Variants in ABCA12 observed in about 807,000 individuals in gnomAD.
ABCA12 encodes ATP binding cassette subfamily A member 12.
A neutral mutation model predicts 293.5 loss-of-function variants in ABCA12; 156 were observed. The observed-to-expected ratio is 0.53, with a 90% CI of 0.47 to 0.61. ABCA12 has a LOEUF of 0.61. ABCA12 is among the 20% of genes least tolerant of loss of function. The pLI is 0.00. For synonymous variants in ABCA12, 1,063 were observed against 1,108.0 expected, an observed-to-expected ratio of 0.96 and a Z score of 0.81; for missense variants, 2,797 against 3,090.2, an observed-to-expected ratio of 0.91 and a Z score of 2.25.
intron 36 of ABCA12, among the ~76,000 whole-genome samples, chr2:214,971,150 A>G (rs1699377497): frequency 6.6e-6 from 1 of 152,076 alleles, no homozygotes; most frequent in Non-Finnish European, 1.5e-5. Flanking sequence ...CTTCATTGCA[A>G]TGAAGTTTAG....
chr2:215,089,887 T>C (rs1559187956), intron 2 of ABCA12, among the ~76,000 whole-genome samples: 1 of 152,212 alleles, frequency 6.6e-6, no homozygotes, highest in Non-Finnish European at 1.5e-5. Flanking sequence ...CAACTAATAG[T>C]TCAGTTCTAC....
intron 28 of ABCA12, among the ~76,000 whole-genome samples, chr2:214,984,818 A>C (rs1699752814): frequency 6.6e-6 from 1 of 151,980 alleles, no homozygotes; most frequent in Non-Finnish European, 1.5e-5. Flanking sequence ...CACCTGCCTA[A>C]CCCATCACTC....
chr2:215,089,171 T>C (rs1199429003), intron 2 of ABCA12, among the ~76,000 whole-genome samples: 1 of 152,090 alleles, frequency 6.6e-6, no homozygotes, highest in East Asian at 1.9e-4. Context: ...TTGAATTAGT[T>C]TTAGCTATGG....
Position 215,000,750 on chromosome 2 carries a change from G to A in ABCA12, c.3134C>T (p.Ala1045Val), listed in dbSNP as rs1482770206. The change falls in exon 22 of 53, where the codon GCA becomes GTA. Residue 1045 changes from alanine (A) to valine (V), a missense_variant. Transcript: ENST00000272895. ...LQTGRNSQEI[A>V]VQVQAIPYPC... ...ATAAGGAATTGCTTGAACCTGGACT[G>A]CTATTTCCTGGGAGTTCCTTCCAGT... 6.2e-7 allele frequency: 1 copy of A among 1,614,080 alleles called. No homozygotes were observed. The highest frequency in any genetic ancestry group is 2.2e-5 in the East Asian group (1 of 44,880).
At chr2:215,127,334 C>A in intron 1 of ABCA12, among the ~76,000 whole-genome samples, 1 of 152,196 alleles carries the variant, frequency 6.6e-6, no homozygotes, top group East Asian at 1.9e-4. Context: ...TAGTCTAATC[C>A]TTTGTTTCTT....
At chr2:215,039,955 T>G (rs1334882727) in intron 7 of ABCA12, among the ~76,000 whole-genome samples, 1 of 152,162 alleles carries the variant, frequency 6.6e-6, no homozygotes, top group Non-Finnish European at 1.5e-5. Flanking sequence ...GATGCTAAAT[T>G]TTAATTGAAA....
chr2:214,964,956 A>G (rs1186511861), intron 39 of ABCA12, among the ~76,000 whole-genome samples: 1 of 152,006 alleles, frequency 6.6e-6, no homozygotes, highest in Non-Finnish European at 1.5e-5. Context: ...TGGAAGCATC[A>G]CATTATCCAA....
chr2:215,094,153 C>T (rs1702203660), intron 2 of ABCA12, among the ~76,000 whole-genome samples: 1 of 152,176 alleles, frequency 6.6e-6, no homozygotes, highest in Non-Finnish European at 1.5e-5. Context: ...CCTTCCATAT[C>T]CTGCACCACC....
chr2:215,016,599 A>AAAAAAAAAAT, intron 14 of ABCA12, among the ~76,000 whole-genome samples: 1 of 145,816 alleles, frequency 6.9e-6, no homozygotes, highest in Non-Finnish European at 1.5e-5. Context: ...AAAAAAAAAA[A>AAAAAAAAAAT]AAAAAAAAAA....
At chr2:214,945,304 C>CA (rs1165732741) in intron 48 of ABCA12, among the ~76,000 whole-genome samples, 200 bp from the exon 49 acceptor site, 1 of 152,072 alleles carries the variant, frequency 6.6e-6, no homozygotes. Context: ...CAATCTGTTT[C>CA]AAAAAGTGTC....
intron 8 of ABCA12, 56 bp downstream of exon 8, chr2:215,036,897 A>C: frequency 6.8e-7 from 1 of 1,481,342 alleles, no homozygotes; most frequent in African/African-American, 1.4e-5. Context: ...TCTGCTTTAT[A>C]TTTCCAATGG....
At chr2:215,088,596 G>A (rs1238774703) in intron 2 of ABCA12, among the ~76,000 whole-genome samples, 1 of 152,146 alleles carries the variant, frequency 6.6e-6, no homozygotes, top group African/African-American at 2.4e-5. Context: ...CTGGAAGTGA[G>A]CTGGATTTGA....
intron 50 of ABCA12, among the ~76,000 whole-genome samples, chr2:214,942,511 C>T (rs550641322): frequency 1.3e-5 from 2 of 152,120 alleles, no homozygotes; most frequent in Non-Finnish European, 2.9e-5. Flanking sequence ...AGATAGCTTA[C>T]TGAAAGACTG....
At position 215,026,871 on chromosome 2, in the gene ABCA12, AAGG is replaced by A; in HGVS notation, c.1126_1128del (p.Pro376del). 6.2e-7 allele frequency: 1 copy of A among 1,613,808 alleles called. No homozygotes were observed. Among genetic ancestry groups the A allele is most frequent in the Non-Finnish European group, 8.5e-7 (1 of 1,179,694 alleles). ...GTCACATTTCTCACACATGCCAAGT[AAGG>A]AATATAAGGACTATTTGCTGATATA... On this transcript the variant is annotated inframe_deletion, in exon 10 of 53. Coordinates refer to ENST00000272895, the MANE Select transcript of ABCA12 (RefSeq NM_173076.3).
At chr2:214,981,665 A>G (rs184602266) in intron 30 of ABCA12, among the ~76,000 whole-genome samples, 8 of 152,198 alleles carry the variant, frequency 5.3e-5, no homozygotes, top group African/African-American at 1.2e-4. Context: ...TTTAAAAGAT[A>G]TCATATTCGA....
In ABCA12 at chr2:214,958,309, A is replaced by G. The variant is rs112834608; in HGVS notation, c.6085T>C (p.Cys2029Arg). 2.5e-6 allele frequency: 4 copies of G among 1,614,016 alleles called. 1 individual carries two copies. Among genetic ancestry groups the G allele is most frequent in the Non-Finnish European group, 3.4e-6 (4 of 1,179,872 alleles). Reference sequence around the variant, plus strand: ...TAAATGAAGTTTGTTACCCAGTAGCATGTCACGCCAATGCCTGAAATGTGC... The same window carrying G: ...TAAATGAAGTTTGTTACCCAGTAGCGTGTCACGCCAATGCCTGAAATGTGC... ...LQHISGIGVT[C>R]YWVTNFIYDM... Residue 2029 changes from cysteine (C) to arginine (R), a missense_variant, in exon 41 of 53, where the codon TGC (cysteine) becomes CGC (arginine). This residue lies in a region of ABCA12 where 2,130 missense variants were observed against 2,427.0 expected (regional missense o/e 0.88). Coordinates refer to ENST00000272895, the MANE Select transcript of ABCA12 (RefSeq NM_173076.3).
intron 3 of ABCA12, among the ~76,000 whole-genome samples, chr2:215,057,892 G>C (rs1464425216): frequency 6.6e-6 from 1 of 151,858 alleles, no homozygotes; most frequent in Non-Finnish European, 1.5e-5. Flanking sequence ...ATCTTACATC[G>C]TACCTACCAT....
rs544735007 is a variant in ABCA12 at position 214,964,153 on chromosome 2, C to T, written c.5884+2695G>A. 1.6e-4 allele frequency among the ~76,000 whole-genome samples: 25 copies of T among 152,144 alleles called. 1 individual carries two copies. The South Asian group carries it at 3.9e-3, about 24-fold the overall frequency. ...AAAACTGCAAGATTATCTCCATAGA[C>T]GCGGATAAGGCATTTGATAAAATTC... On this transcript the variant is annotated intron_variant, in intron 39 of 52. Coordinates refer to ENST00000272895, the MANE Select transcript of ABCA12 (RefSeq NM_173076.3).
At chr2:214,992,392 G>A (rs557552723) in intron 23 of ABCA12, among the ~76,000 whole-genome samples, 28 of 130,814 alleles carry the variant, frequency 2.1e-4, no homozygotes, top group Middle Eastern at 0.012. Flanking sequence ...GCAGTGAGCC[G>A]AGATCACACC....
Sources: gnomAD v4.1 joint callset for allele counts (sites outside exome capture counted in the v4.1 genomes callset) on GRCh38, gnomAD v4.1.1 for gene constraint, gnomAD v4.1.1 regional missense constraint, MANE v1.5 for transcripts, NCBI Gene and HGNC (gene_info 2026-07-23, HGNC 2026-07-21) for gene names.